NRXN1: variants seen among roughly 807,000 people sequenced by gnomAD.
The protein encoded by NRXN1 is neurexin 1, also known as neurexin-1.
Under a neutral mutation model 150.9 loss-of-function variants are expected in NRXN1, and 39 were observed. That is an observed-to-expected ratio of 0.26 (90% CI 0.20 to 0.34). NRXN1 has a LOEUF of 0.34. Ranked by LOEUF, NRXN1 falls within the 10% of genes least tolerant of loss-of-function variation. The pLI is 1.00. For synonymous variants in NRXN1, 924 were observed against 757.0 expected, an observed-to-expected ratio of 1.22 and a Z score of -3.62; for missense variants, 1,815 against 1,949.9, an observed-to-expected ratio of 0.93 and a Z score of 1.30.
rs187400423 is a variant in NRXN1, at chr2:50,270,364, C to T, written c.3365-33394G>A. On this transcript the variant is annotated intron_variant, in intron 17 of 22. Transcript: ENST00000401669. ...TAGATCCACTAGCTAGACTGAGAAA[C>T]ACTAAGTACTTCTAGAAAATATTGA... Among the ~76,000 whole-genome samples, 11 of 152,224 alleles carry T rather than the reference C, an allele frequency of 7.2e-5. No homozygotes were observed. In the East Asian group the frequency reaches 2.1e-3, roughly 29 times the overall value.
At chr2:50,779,763 G>A (rs969339240) in intron 5 of NRXN1, among the ~76,000 whole-genome samples, 9 of 151,538 alleles carry the variant, frequency 5.9e-5, no homozygotes, top group East Asian at 3.9e-4. Flanking sequence ...GCCGGACTCC[G>A]TCGCAAAAAT....
chr2:50,748,934 CA>C (rs1439427989), intron 5 of NRXN1, among the ~76,000 whole-genome samples: 2 of 151,978 alleles, frequency 1.3e-5, no homozygotes, highest in East Asian at 3.9e-4. Context: ...GTTAAAAGTC[CA>C]AAAAAGATTC....
intron 18 of NRXN1, among the ~76,000 whole-genome samples, chr2:50,219,950 T>TA (rs2063710058): frequency 4.3e-5 from 3 of 70,374 alleles, no homozygotes; most frequent in Non-Finnish European, 4.8e-5. Flanking sequence ...ATATTATATA[T>TA]ATAATATATA....
intron 18 of NRXN1, among the ~76,000 whole-genome samples, chr2:50,168,077 T>C (rs539725338): frequency 6.6e-6 from 1 of 152,300 alleles, no homozygotes; most frequent in African/African-American, 2.4e-5. Flanking sequence ...AATATCTTGT[T>C]TGAATGCAAA....
Position 50,999,748 on chromosome 2 carries a change from C to G in NRXN1, c.772+27754G>C, listed in dbSNP as rs138612665. On this transcript the variant is annotated intron_variant, in intron 2 of 22. Coordinates refer to ENST00000401669, the MANE Select transcript of NRXN1 (RefSeq NM_001330078.2). Reference sequence around the variant, plus strand: ...CTCTGACTCTTTTCTTCCATTTCCACTCTATGGTAAAACCATCATTAAATC... The same window carrying G: ...CTCTGACTCTTTTCTTCCATTTCCAGTCTATGGTAAAACCATCATTAAATC... 5.7e-4 allele frequency among the ~76,000 whole-genome samples: 87 copies of G among 152,090 alleles called. No individual in the cohort carries two copies. The East Asian group carries it at 0.015, about 26-fold the overall frequency.
chr2:50,996,892 G>C (rs945303273), intron 2 of NRXN1, among the ~76,000 whole-genome samples: 2 of 152,048 alleles, frequency 1.3e-5, no homozygotes, highest in Non-Finnish European at 2.9e-5. Flanking sequence ...CGTGAGGGGG[G>C]AGTAATCATT....
At chr2:51,025,529 T>C (rs1223938331) in intron 2 of NRXN1, among the ~76,000 whole-genome samples, 1 of 152,184 alleles carries the variant, frequency 6.6e-6, no homozygotes, top group Non-Finnish European at 1.5e-5. Flanking sequence ...TTGTGTCATA[T>C]TTGTTTCCTA....
intron 18 of NRXN1, among the ~76,000 whole-genome samples, chr2:50,223,246 G>C (rs1360815427): frequency 2.0e-5 from 3 of 151,804 alleles, no homozygotes. Flanking sequence ...ACAAAGTTAA[G>C]GAAAAACTAG....
At chr2:50,631,150 T>C in intron 5 of NRXN1, 1 of 433,500 alleles carries the variant, frequency 2.3e-6, no homozygotes, top group Non-Finnish European at 4.6e-6. Context: ...GTAATATATG[T>C]TGTAAAATAT....
intron 8 of NRXN1, among the ~76,000 whole-genome samples, chr2:50,578,837 T>C (rs1228729426): frequency 6.6e-6 from 1 of 152,118 alleles, no homozygotes; most frequent in East Asian, 1.9e-4. Context: ...ATTCATATTA[T>C]TATTATTTTG....
intron 18 of NRXN1, among the ~76,000 whole-genome samples, chr2:50,130,167 T>C (rs1185888951): frequency 1.3e-5 from 2 of 152,204 alleles, no homozygotes; most frequent in African/African-American, 2.4e-5. Flanking sequence ...CTTGTTCTGA[T>C]GTGTGCAGGA....
intron 5 of NRXN1, among the ~76,000 whole-genome samples, chr2:50,654,360 C>A (rs990823680): frequency 8.6e-5 from 13 of 151,830 alleles, no homozygotes; most frequent in Admixed American, 8.5e-4. Flanking sequence ...GACATGAAAT[C>A]ATCATTTTTT....
intron 5 of NRXN1, among the ~76,000 whole-genome samples, chr2:50,872,604 GAATAAAATAAA>G (rs1277714090): frequency 6.6e-6 from 1 of 151,340 alleles, no homozygotes; most frequent in Non-Finnish European, 1.5e-5. Flanking sequence ...AAGAAAATAA[GAATAAAATAAA>G]AATAAAATAA....
At chr2:50,116,798 G>A (rs564370637) in intron 18 of NRXN1, among the ~76,000 whole-genome samples, 1 of 152,158 alleles carries the variant, frequency 6.6e-6, no homozygotes, top group African/African-American at 2.4e-5. Flanking sequence ...TATGAATGAC[G>A]TAACCCCTTC....
At chr2:50,360,499 A>T (rs2079113393) in intron 17 of NRXN1, among the ~76,000 whole-genome samples, 3 of 152,186 alleles carry the variant, frequency 2.0e-5, no homozygotes. Flanking sequence ...ACCAACAAAC[A>T]TCAGAAAAGA....
chr2:50,553,141 T>A, intron 8 of NRXN1, 116 bp from the exon 9 acceptor site: 1 of 757,028 alleles, frequency 1.3e-6, no homozygotes, highest in Non-Finnish European at 2.2e-6. Context: ...ATTTAGTTAA[T>A]TTTGTTGTAT....
At chr2:50,741,059 G>A (rs1046275237) in intron 5 of NRXN1, among the ~76,000 whole-genome samples, 3 of 151,980 alleles carry the variant, frequency 2.0e-5, no homozygotes, top group Non-Finnish European at 2.9e-5. Flanking sequence ...CTTACTGCAC[G>A]CAGAGCATAA....
At chr2:50,065,670 GT>G (rs200136510) in intron 19 of NRXN1, among the ~76,000 whole-genome samples, 1 of 151,662 alleles carries the variant, frequency 6.6e-6, no homozygotes, top group Non-Finnish European at 1.5e-5. Flanking sequence ...GCAGTATTTT[GT>G]TTTTTTTCCT....
chr2:51,025,780 T>A (rs1304030545), intron 2 of NRXN1, among the ~76,000 whole-genome samples: 1 of 152,198 alleles, frequency 6.6e-6, no homozygotes, highest in Admixed American at 6.5e-5. Context: ...ACTATCTTTT[T>A]TATTTTGTAA....
Sources: gnomAD v4.1 joint callset for allele counts (sites outside exome capture counted in the v4.1 genomes callset) on GRCh38, gnomAD v4.1.1 for gene constraint, MANE v1.5 for transcripts, NCBI Gene and HGNC (gene_info 2026-07-23, HGNC 2026-07-21) for gene names.